The following FAM169A variants were observed in gnomAD, a reference collection of about 807,000 sequenced individuals.
FAM169A encodes the protein family with sequence similarity 169 member A.
A neutral mutation model predicts 75.7 loss-of-function variants in FAM169A; 24 were observed. The ratio of observed to expected loss-of-function variants is 0.32; its 90% confidence interval spans 0.23 to 0.45. The LOEUF is 0.45. Among genes scored for constraint, FAM169A ranks in the 20% least tolerant of loss-of-function variants. The pLI, the probability that FAM169A is intolerant of heterozygous loss-of-function variation, is 1.00. For missense variants in FAM169A, 673 were observed against 784.0 expected (o/e 0.86, Z 1.69); for synonymous variants, 271 against 271.0 (o/e 1.00, Z 0.00).
At chr5:74,832,853 C>T (rs894327192) in intron 5 of FAM169A, among the ~76,000 whole-genome samples, 1 of 151,746 alleles carries the variant, frequency 6.6e-6, no homozygotes, top group Non-Finnish European at 1.5e-5. Context: ...TTATCTGGTA[C>T]AACGGGGAAA....
chr5:74,850,291 T>C (rs879230944), intron 1 of FAM169A, among the ~76,000 whole-genome samples: 1 of 152,196 alleles, frequency 6.6e-6, no homozygotes, highest in African/African-American at 2.4e-5. Context: ...TCCATCACAT[T>C]GGTATGTCTG....
At chr5:74,854,710 C>T (rs867414065) in intron 1 of FAM169A, among the ~76,000 whole-genome samples, 2 of 152,214 alleles carry the variant, frequency 1.3e-5, no homozygotes, top group Middle Eastern at 3.4e-3. Flanking sequence ...ATGCAAAGTT[C>T]GTCTTTCTGT....
chr5:74,801,483 C>A (rs947303102), intron 9 of FAM169A, 107 bp downstream of exon 9: 2 of 902,792 alleles, frequency 2.2e-6, no homozygotes, highest in African/African-American at 1.6e-5. Flanking sequence ...GTTAAGTCTT[C>A]ACTTTCTCAG....
At chr5:74,862,660 G>A (rs1447108626) in intron 1 of FAM169A, among the ~76,000 whole-genome samples, 2 of 152,156 alleles carry the variant, frequency 1.3e-5, no homozygotes, top group Admixed American at 1.3e-4. Context: ...TTTGTACCCA[G>A]CCTAACAGTA....
chr5:74,836,047 A>C (rs776494417), intron 4 of FAM169A, among the ~76,000 whole-genome samples: 2 of 152,188 alleles, frequency 1.3e-5, no homozygotes, highest in Non-Finnish European at 2.9e-5. Flanking sequence ...TCTCTCTTGA[A>C]ATTGCTCCAG....
At chr5:74,792,828 G>A (rs1370380160) in intron 11 of FAM169A, among the ~76,000 whole-genome samples, 1 of 152,144 alleles carries the variant, frequency 6.6e-6, no homozygotes, top group African/African-American at 2.4e-5. Context: ...AACCACTATG[G>A]AAAACAGTGT....
chr5:74,832,455 C>T (rs1053662243), intron 5 of FAM169A, among the ~76,000 whole-genome samples: 1 of 151,700 alleles, frequency 6.6e-6, no homozygotes, highest in African/African-American at 2.4e-5. Flanking sequence ...GCCCCATAAA[C>T]TTATTTGCTA....
In FAM169A at chr5:74,834,374, C is replaced by T; in HGVS notation, c.490+52G>A. On this transcript the variant is annotated intron_variant, in intron 5 of 12. Transcript: ENST00000687041. The stretch of plus-strand genomic sequence containing the variant: ...GAGATATTGATACAGTTGGAGGGGT[C>T]TAAAATAGAGATTTCCATAATACAC... 4 of 1,187,512 alleles carry T rather than the reference C, an allele frequency of 3.4e-6. No homozygotes were observed. In the Admixed American group the frequency reaches 1.1e-4, roughly 33 times the overall value. 73.6% of individuals were successfully genotyped at this position (1,187,512 alleles called of 1,614,324 possible). A position where few individuals can be genotyped will look rare whatever the true frequency, so the allele number is the denominator to read the frequency against.
At chr5:74,805,038 G>GACTCT in intron 7 of FAM169A, 118 bp downstream of exon 7, 3 of 792,452 alleles carry the variant, frequency 3.8e-6, no homozygotes, top group Middle Eastern at 2.8e-4. Flanking sequence ...TACCACTCTG[G>GACTCT]ACTCTAAGAC....
chr5:74,800,397 T>C (rs1048677690), intron 10 of FAM169A, among the ~76,000 whole-genome samples: 6 of 152,098 alleles, frequency 3.9e-5, no homozygotes, highest in Non-Finnish European at 7.4e-5. Context: ...AATAAAAGAA[T>C]TGAATGCGGG....
At chr5:74,865,053 C>T (rs1331586166) in intron 1 of FAM169A, among the ~76,000 whole-genome samples, 1 of 152,196 alleles carries the variant, frequency 6.6e-6, no homozygotes, top group Non-Finnish European at 1.5e-5. Flanking sequence ...CCCTCCAGGG[C>T]CCAAATGTGT....
rs1750344780 is a variant in FAM169A at position 74,866,334 on chromosome 5, TC to T, written c.-174del. The stretch of plus-strand genomic sequence containing the variant: ...CTCCCGCTCGCCCCGGACGCCCGGC[TC>T]CTCGTCGCGGGTCGGCCGCGGCCCA... On this transcript the variant is annotated 5_prime_UTR_variant, in exon 1 of 13. Coordinates refer to ENST00000687041, the MANE Select transcript of FAM169A (RefSeq NM_001376049.1). 2.0e-6 allele frequency: 2 copies of T among 983,356 alleles called. No homozygotes were observed. The allele number at this position is 983,356 out of a possible 1,614,324, so 60.9% of individuals were successfully genotyped here.
chr5:74,853,662 C>T (rs1441695246), intron 1 of FAM169A, among the ~76,000 whole-genome samples: 1 of 150,556 alleles, frequency 6.6e-6, no homozygotes, highest in African/African-American at 2.4e-5. Context: ...ATAGTTTCTT[C>T]GGACTTTCTA....
At chr5:74,784,607 TAAAAA>T (rs70976133) in intron 11 of FAM169A, among the ~76,000 whole-genome samples, 1 of 60,580 alleles carries the variant, frequency 1.7e-5, no homozygotes, top group Non-Finnish European at 3.0e-5. Flanking sequence ...CAACCCAGGC[TAAAAA>T]AAAAAAAAAA....
chr5:74,787,896 G>A (rs1428236308), intron 11 of FAM169A, among the ~76,000 whole-genome samples: 1 of 148,710 alleles, frequency 6.7e-6, no homozygotes, highest in Admixed American at 6.6e-5. Flanking sequence ...AAAAAAGAGA[G>A]AATCACAGCC....
rs1745368837 is a variant in FAM169A at position 74,780,675 on chromosome 5, A to G, written c.*785T>C. 1 of 152,210 alleles carries G rather than the reference A, an allele frequency of 6.6e-6. No homozygotes were observed. Among genetic ancestry groups the G allele is most frequent in the African/African-American group, 2.4e-5 (1 of 41,450 alleles). The allele number at this position is 152,210 out of a possible 1,614,324, so 9.4% of individuals were successfully genotyped here. ...TTTACCTGATTAAAGGTGAAAGTCT[A>G]AACTTCTAGGCGTCTGCACATATGC... On this transcript the variant is annotated 3_prime_UTR_variant, in exon 13 of 13. Coordinates refer to ENST00000687041, the MANE Select transcript of FAM169A (RefSeq NM_001376049.1).
At chr5:74,789,162 TC>T (rs1181382858) in intron 11 of FAM169A, among the ~76,000 whole-genome samples, 8 of 152,212 alleles carry the variant, frequency 5.3e-5, no homozygotes, top group Non-Finnish European at 1.2e-4. Flanking sequence ...GCTTTTCACT[TC>T]CACAAGTTAT....
At chr5:74,858,798 T>C (rs1371220862) in intron 1 of FAM169A, among the ~76,000 whole-genome samples, 1 of 152,188 alleles carries the variant, frequency 6.6e-6, no homozygotes, top group Non-Finnish European at 1.5e-5. Flanking sequence ...TTTAGCTATA[T>C]TTTCCACTCA....
chr5:74,781,314 G>C lies in FAM169A; in HGVS notation c.*146C>G. ...AATGGTGAATTCTACGTTCTAAAGGGAAGCAAAAAACTGCATAGTAAGTAA... is the reference window on the plus strand; with the variant it reads ...AATGGTGAATTCTACGTTCTAAAGGCAAGCAAAAAACTGCATAGTAAGTAA... On this transcript the variant is annotated 3_prime_UTR_variant, in exon 13 of 13. Transcript: ENST00000687041. The C allele has an allele frequency of 1.5e-6, 1 of 673,406 alleles. No individual in the cohort carries two copies. Among genetic ancestry groups the C allele is most frequent in the Non-Finnish European group, 2.5e-6 (1 of 402,994 alleles). 41.7% of individuals were successfully genotyped at this position (673,406 alleles called of 1,614,324 possible).
Sources: allele counts gnomAD v4.1 joint callset (sites outside exome capture counted in the v4.1 genomes callset), GRCh38; gene constraint gnomAD v4.1.1; transcripts MANE v1.5; gene names NCBI Gene and HGNC (gene_info 2026-07-23, HGNC 2026-07-21).